SOX5: variants seen among roughly 807,000 people sequenced by gnomAD.
SOX5 encodes transcription factor SOX-5.
In SOX5, 9 loss-of-function variants were observed where a neutral mutation model predicts 92.0. The observed-to-expected ratio is 0.10, with a 90% CI of 0.06 to 0.17. The LOEUF (loss-of-function observed/expected upper bound fraction) is 0.17. Among genes scored for constraint, SOX5 ranks in the 10% least tolerant of loss-of-function variants. The probability of loss-of-function intolerance (pLI) is 1.00; values close to 1 mark genes in which losing one functional copy is unlikely to be tolerated. For missense variants in SOX5, 642 were observed against 944.5 expected (o/e 0.68, Z 4.20); for synonymous variants, 344 against 336.3 (o/e 1.02, Z -0.25).
At chr12:24,028,300 G>GTGCC (rs1356666029) in intron 4 of SOX5, among the ~76,000 whole-genome samples, 1 of 152,022 alleles carries the variant, frequency 6.6e-6, no homozygotes, top group African/African-American at 2.4e-5. Context: ...GCACAGCACA[G>GTGCC]TGCCTGTCAC....
At chr12:23,580,490 T>C (rs1294888702) in intron 9 of SOX5, among the ~76,000 whole-genome samples, 5 of 152,024 alleles carry the variant, frequency 3.3e-5, no homozygotes, top group South Asian at 4.1e-4. Flanking sequence ...CTATATAGCA[T>C]TGAAAATTTC....
chr12:24,072,383 A>G (rs1422236877), intron 4 of SOX5, among the ~76,000 whole-genome samples: 4 of 152,254 alleles, frequency 2.6e-5, no homozygotes, highest in Non-Finnish European at 5.9e-5. Flanking sequence ...CATTAAATAT[A>G]ATCAACTACC....
At chr12:24,546,146 A>G (rs771756589) in intron 1 of SOX5, among the ~76,000 whole-genome samples, 7 of 152,176 alleles carry the variant, frequency 4.6e-5, no homozygotes, top group East Asian at 3.8e-4. Flanking sequence ...GTAGCAACAC[A>G]TGTACATAAA....
intron 6 of SOX5, among the ~76,000 whole-genome samples, chr12:23,673,942 A>C (rs2085228664): frequency 6.6e-6 from 1 of 152,118 alleles, no homozygotes; most frequent in Admixed American, 6.5e-5. Flanking sequence ...TTAAAAAAAA[A>C]CCATAGCAAG....
chr12:23,565,863 TCTC>T (rs1341180438), intron 10 of SOX5, among the ~76,000 whole-genome samples: 5 of 152,224 alleles, frequency 3.3e-5, no homozygotes, highest in Non-Finnish European at 7.3e-5. Flanking sequence ...TACAGTTTGT[TCTC>T]CTCATAGTCA....
At chr12:23,546,678 G>C (rs540316005) in intron 11 of SOX5, among the ~76,000 whole-genome samples, 26 of 152,024 alleles carry the variant, frequency 1.7e-4, no homozygotes, top group Admixed American at 2.6e-4. Flanking sequence ...GATATATGCC[G>C]GGATCCTTGG....
At chr12:23,861,828 T>G (rs557306192) in intron 2 of SOX5, among the ~76,000 whole-genome samples, 78 of 152,244 alleles carry the variant, frequency 5.1e-4, no homozygotes, top group African/African-American at 1.3e-3. Context: ...ACAAAAGTCC[T>G]TTGCTATCTA....
chr12:23,910,916 A>G (rs944788389), intron 1 of SOX5, among the ~76,000 whole-genome samples: 3 of 152,156 alleles, frequency 2.0e-5, no homozygotes, highest in Non-Finnish European at 4.4e-5. Context: ...CCACCTCTTC[A>G]CAACATTCGC....
intron 3 of SOX5, among the ~76,000 whole-genome samples, chr12:23,839,081 T>C (rs2096478847): frequency 1.3e-5 from 2 of 151,428 alleles, no homozygotes; most frequent in South Asian, 4.2e-4. Flanking sequence ...ACTCCTGACC[T>C]CAGGTGATCT....
At chr12:24,133,198 C>T (rs962220824) in intron 4 of SOX5, among the ~76,000 whole-genome samples, 1 of 152,270 alleles carries the variant, frequency 6.6e-6, no homozygotes, top group Middle Eastern at 3.4e-3. Context: ...CTGGGTCTTG[C>T]TACTGCGAGC....
intron 1 of SOX5, among the ~76,000 whole-genome samples, chr12:23,907,108 G>A (rs893798818): frequency 9.2e-5 from 14 of 151,986 alleles, no homozygotes; most frequent in African/African-American, 1.7e-4. Flanking sequence ...TTGTTCTATC[G>A]TTGAATAAAC....
At chr12:23,609,303 TAGTAAG>T (rs1444278520) in intron 8 of SOX5, among the ~76,000 whole-genome samples, 1 of 152,186 alleles carries the variant, frequency 6.6e-6, no homozygotes, top group Non-Finnish European at 1.5e-5. Context: ...ATTGAATATG[TAGTAAG>T]AGAAAGCCAC....
chr12:24,008,968 G>A (rs1169948779), intron 4 of SOX5, among the ~76,000 whole-genome samples: 1 of 152,192 alleles, frequency 6.6e-6, no homozygotes, highest in Admixed American at 6.5e-5. Flanking sequence ...CTTCTGAAAT[G>A]TTCACTTTGG....
At chr12:24,203,039 C>T (rs971258279) in intron 4 of SOX5, among the ~76,000 whole-genome samples, 2 of 152,128 alleles carry the variant, frequency 1.3e-5, no homozygotes, top group Non-Finnish European at 2.9e-5. Context: ...GTGGTGTTTA[C>T]CAAATGGTGA....
chr12:24,093,534 A>AG (rs1944934639), intron 4 of SOX5, among the ~76,000 whole-genome samples: 1 of 149,856 alleles, frequency 6.7e-6, no homozygotes, highest in Non-Finnish European at 1.5e-5. Flanking sequence ...AAAAAAAAAA[A>AG]ACAAAAACAA....
At chr12:23,642,105 A>T (rs575028659) in intron 7 of SOX5, among the ~76,000 whole-genome samples, 1 of 152,264 alleles carries the variant, frequency 6.6e-6, no homozygotes, top group South Asian at 2.1e-4. Context: ...TTTTATATTT[A>T]TCAGTTGTTG....
chr12:23,857,482 T>C (rs1307395240), intron 2 of SOX5, among the ~76,000 whole-genome samples: 1 of 152,204 alleles, frequency 6.6e-6, no homozygotes, highest in Non-Finnish European at 1.5e-5. Context: ...GATTATCAAC[T>C]GTTTTGGAAA....
At chr12:24,416,052 A>C (rs996890650) in intron 1 of SOX5, among the ~76,000 whole-genome samples, 5 of 152,226 alleles carry the variant, frequency 3.3e-5, no homozygotes, top group African/African-American at 9.6e-5. Context: ...AGAAACGGGA[A>C]GACTTGGAGC....
chr12:23,660,362 T>G (rs2082874495), intron 7 of SOX5, among the ~76,000 whole-genome samples: 1 of 151,944 alleles, frequency 6.6e-6, no homozygotes, highest in African/African-American at 2.4e-5. Flanking sequence ...ATGGATCTTA[T>G]TACACCATTG....
Sources: allele counts gnomAD v4.1 joint callset (sites outside exome capture counted in the v4.1 genomes callset), GRCh38; gene constraint gnomAD v4.1.1; transcripts MANE v1.5; gene names NCBI Gene and HGNC (gene_info 2026-07-23, HGNC 2026-07-21).